Variants in RETREG1 observed in about 807,000 individuals in gnomAD.
RETREG1 encodes the protein reticulophagy regulator 1, also known as family with sequence similarity 134 member B.
In RETREG1, 44 loss-of-function variants were observed where a neutral mutation model predicts 54.8. The observed-to-expected ratio is 0.80, with a 90% CI of 0.63 to 1.03. The LOEUF (loss-of-function observed/expected upper bound fraction) is 1.03, where lower values mean the gene tolerates loss of function less well. Ranked by LOEUF, RETREG1 falls within the 50% of genes least tolerant of loss-of-function variation. The pLI is 0.00. For synonymous variants in RETREG1, 217 were observed against 238.5 expected (o/e 0.91, Z 0.83); for missense variants, 554 against 605.1 (o/e 0.92, Z 0.89).
intron 5 of RETREG1, among the ~76,000 whole-genome samples, chr5:16,480,677 A>G (rs1232731345): frequency 1.3e-5 from 2 of 152,032 alleles, no homozygotes; most frequent in Non-Finnish European, 2.9e-5. Context: ...TGTGGTTTTA[A>G]TTATTTTTTT....
chr5:16,491,011 A>G (rs1561085320), intron 3 of RETREG1, among the ~76,000 whole-genome samples: 1 of 152,200 alleles, frequency 6.6e-6, no homozygotes, highest in South Asian at 2.1e-4. Context: ...AAGTGATTCC[A>G]TAATCATGAA....
intron 1 of RETREG1, among the ~76,000 whole-genome samples, chr5:16,607,114 C>A (rs1743210663): frequency 6.6e-6 from 1 of 152,180 alleles, no homozygotes; most frequent in Non-Finnish European, 1.5e-5. Context: ...GATGACCACC[C>A]AACAAAGTAG....
chr5:16,513,744 A>T lies in RETREG1; in HGVS notation c.459-30272T>A, dbSNP rs550016344. 3.9e-5 allele frequency among the ~76,000 whole-genome samples: 6 copies of T among 152,310 alleles called. No homozygotes were observed. The East Asian group carries it at 7.7e-4, about 20-fold the overall frequency. On this transcript the variant is annotated intron_variant, in intron 3 of 8. Transcript: ENST00000306320. Reference sequence around the variant, plus strand: ...CCACTTGGGCCATTTTCAGAAAAACATTTGCAAGAATGAGTCCTGTTTTCT... The same window carrying T: ...CCACTTGGGCCATTTTCAGAAAAACTTTTGCAAGAATGAGTCCTGTTTTCT...
intron 1 of RETREG1, among the ~76,000 whole-genome samples, chr5:16,575,451 T>C (rs1312112248): frequency 1.3e-5 from 2 of 152,224 alleles, no homozygotes; most frequent in Non-Finnish European, 2.9e-5. Flanking sequence ...TTTAAGCATC[T>C]TTTCAAAACC....
Position 16,553,603 on chromosome 5 carries a change from C to T in RETREG1, c.458+12160G>A, listed in dbSNP as rs775095714. Among the ~76,000 whole-genome samples the T allele has an allele frequency of 8.1e-4, 123 of 151,856 alleles. No homozygotes were observed. In the Middle Eastern group the frequency reaches 0.021, roughly 26 times the overall value. On this transcript the variant is annotated intron_variant, in intron 3 of 8. Coordinates refer to ENST00000306320, the MANE Select transcript of RETREG1 (RefSeq NM_001034850.3). ...TTTAAATGTATGAATATTCATATTT[C>T]ATTTAAATATAAGCGCGGCTTTTTT...
intron 2 of RETREG1, among the ~76,000 whole-genome samples, chr5:16,569,662 T>A (rs910784878): frequency 6.6e-6 from 1 of 152,178 alleles, no homozygotes; most frequent in African/African-American, 2.4e-5. Flanking sequence ...GAGGTTCAGA[T>A]GGTATAGGAG....
intron 3 of RETREG1, among the ~76,000 whole-genome samples, chr5:16,543,532 C>G (rs977861106): frequency 6.6e-6 from 1 of 151,942 alleles, no homozygotes; most frequent in Non-Finnish European, 1.5e-5. Context: ...AAAAATTAGC[C>G]GGGTATGGTG....
chr5:16,510,818 CAA>C (rs57713373), intron 3 of RETREG1, among the ~76,000 whole-genome samples: 13,034 of 75,496 alleles, frequency 0.17, 900 homozygotes, highest in Non-Finnish European at 0.22. Context: ...ACAACAACAA[CAA>C]AAAAAAAAAA....
Position 16,594,182 on chromosome 5 carries a change from C to T in RETREG1, c.321-22080G>A, listed in dbSNP as rs905580653. On this transcript the variant is annotated intron_variant, in intron 1 of 8. Transcript: ENST00000306320. The surrounding 1 kb of genome is among the most constrained non-coding windows in gnomAD (Gnocchi z 4.4). ...CTGGCATGTACACAGAATTAAACTT[C>T]TCAGTCATACAGTGCATCGATGTAC... Among the ~76,000 whole-genome samples, 1 of 152,214 alleles carries T rather than the reference C, an allele frequency of 6.6e-6. No homozygotes were observed. The highest frequency in any genetic ancestry group is 2.4e-5 in the African/African-American group (1 of 41,456).
intron 3 of RETREG1, among the ~76,000 whole-genome samples, chr5:16,496,993 G>T (rs1867723): frequency 0.23 from 35,102 of 152,136 alleles, 4,955 homozygotes; most frequent in Admixed American, 0.43. Context: ...GAGTCTGCTA[G>T]TTCAGGGTGT....
intron 1 of RETREG1, among the ~76,000 whole-genome samples, chr5:16,584,946 A>C (rs1742586276): frequency 6.6e-6 from 1 of 151,982 alleles, no homozygotes; most frequent in Non-Finnish European, 1.5e-5. Context: ...TTAATTGCAA[A>C]TCCAGGATTA....
chr5:16,522,634 T>C (rs1408573689), intron 3 of RETREG1, among the ~76,000 whole-genome samples: 1 of 152,200 alleles, frequency 6.6e-6, no homozygotes. Flanking sequence ...TAATTCCTCA[T>C]GAGGGGTTTC....
At chr5:16,559,661 T>C (rs1045565200) in intron 3 of RETREG1, among the ~76,000 whole-genome samples, 2 of 152,274 alleles carry the variant, frequency 1.3e-5, no homozygotes, top group African/African-American at 4.8e-5. Context: ...AAATTTTGAA[T>C]GATTTGTTGT....
At chr5:16,538,637 T>G (rs1169501069) in intron 3 of RETREG1, among the ~76,000 whole-genome samples, 3 of 152,070 alleles carry the variant, frequency 2.0e-5, no homozygotes, top group Non-Finnish European at 4.4e-5. Context: ...CAAGACACCA[T>G]GTACCTTTCC....
At chr5:16,557,542 G>A (rs1188736486) in intron 3 of RETREG1, among the ~76,000 whole-genome samples, 1 of 152,234 alleles carries the variant, frequency 6.6e-6, no homozygotes, top group East Asian at 1.9e-4. Context: ...AGAGCTTGCT[G>A]TCAGTCAATG....
chr5:16,475,273 TAACA>T, intron 8 of RETREG1, 39 bp from the exon 9 acceptor site: 1 of 1,602,474 alleles, frequency 6.2e-7, no homozygotes, highest in Non-Finnish European at 8.5e-7. Flanking sequence ...TGAAGCACCA[TAACA>T]AATTTCAAAT....
At chr5:16,553,538 A>C (rs1269522586) in intron 3 of RETREG1, among the ~76,000 whole-genome samples, 1 of 151,962 alleles carries the variant, frequency 6.6e-6, no homozygotes, top group African/African-American at 2.4e-5. Context: ...AAATATATAA[A>C]TATTTAGATT....
chr5:16,565,558 G>A (rs571157887), intron 3 of RETREG1, among the ~76,000 whole-genome samples: 1 of 152,198 alleles, frequency 6.6e-6, no homozygotes, highest in African/African-American at 2.4e-5. Context: ...ATCATAGCAA[G>A]ATACACAGCA....
intron 3 of RETREG1, among the ~76,000 whole-genome samples, chr5:16,493,619 A>G (rs2126537553): frequency 6.6e-6 from 1 of 152,354 alleles, no homozygotes; most frequent in Non-Finnish European, 1.5e-5. Flanking sequence ...ATTCCACTGA[A>G]GATCCACAAT....
Sources: allele counts gnomAD v4.1 joint callset (sites outside exome capture counted in the v4.1 genomes callset), GRCh38; gene constraint gnomAD v4.1.1; non-coding constraint Gnocchi (gnomAD v3.1); transcripts MANE v1.5; gene names NCBI Gene and HGNC (gene_info 2026-07-23, HGNC 2026-07-21).